The following MAPT variants were observed in gnomAD, a reference collection of about 807,000 sequenced individuals.
The protein encoded by MAPT is microtubule associated protein tau, also known as microtubule-associated protein tau.
Under a neutral mutation model 67.9 loss-of-function variants are expected in MAPT, and 34 were observed. The ratio of observed to expected loss-of-function variants is 0.50; its 90% confidence interval spans 0.38 to 0.67. The LOEUF is 0.67. Ranked by LOEUF, MAPT falls within the 30% of genes least tolerant of loss-of-function variation. The probability of loss-of-function intolerance (pLI) is 0.00; values close to 1 mark genes in which losing one functional copy is unlikely to be tolerated. For synonymous variants in MAPT, 456 were observed against 464.5 expected (o/e 0.98, Z 0.23); for missense variants, 881 against 1,115.2 (o/e 0.79, Z 2.99).
chr17:45,964,641 A>C (rs1237643570), intron 2 of MAPT, among the ~76,000 whole-genome samples: 2 of 151,728 alleles, frequency 1.3e-5, no homozygotes, highest in Non-Finnish European at 2.9e-5. Flanking sequence ...CCAAGATCCC[A>C]CCACTGCACT....
intron 8 of MAPT, among the ~76,000 whole-genome samples, chr17:45,992,167 AGAAAGAAATC>A (rs1457271501): frequency 6.6e-6 from 1 of 152,196 alleles, no homozygotes; most frequent in African/African-American, 2.4e-5. Context: ...AGGAAAAAAA[AGAAAGAAATC>A]GAGCCTCTGA....
intron 10 of MAPT, among the ~76,000 whole-genome samples, chr17:46,011,043 A>C (rs971911532): frequency 6.6e-6 from 1 of 152,232 alleles, no homozygotes; most frequent in African/African-American, 2.4e-5. Flanking sequence ...AAAGTGCGAC[A>C]GGTCCCTCTG....
At chr17:45,970,968 A>C (rs183752281) in intron 2 of MAPT, among the ~76,000 whole-genome samples, 1 of 152,310 alleles carries the variant, frequency 6.6e-6, no homozygotes, top group Admixed American at 6.5e-5. Context: ...CTCTGTATAC[A>C]TTGGGCTCTC....
At chr17:45,978,569 T>C in intron 4 of MAPT, 129 bp downstream of exon 4, 1 of 732,492 alleles carries the variant, frequency 1.4e-6, no homozygotes. Context: ...AGGGAGTTGG[T>C]TCTTATCAAA....
intron 2 of MAPT, among the ~76,000 whole-genome samples, chr17:45,968,820 T>C (rs2071349642): frequency 6.6e-6 from 1 of 152,224 alleles, no homozygotes; most frequent in Non-Finnish European, 1.5e-5. Context: ...AAATAATCAC[T>C]GCCACTTATT....
chr17:45,911,948 G>A (rs1220277525), intron 1 of MAPT, among the ~76,000 whole-genome samples: 1 of 152,178 alleles, frequency 6.6e-6, no homozygotes, highest in African/African-American at 2.4e-5. Context: ...TGTTTGCCAT[G>A]ATCTGTTCAA....
chr17:45,899,589 G>T (rs1474293034), intron 1 of MAPT, among the ~76,000 whole-genome samples: 2 of 152,138 alleles, frequency 1.3e-5, no homozygotes, highest in Non-Finnish European at 2.9e-5. Context: ...GCCACATGTG[G>T]GTTTACTTGG....
At chr17:45,997,705 A>G (rs1257345301) in intron 9 of MAPT, among the ~76,000 whole-genome samples, 1 of 152,206 alleles carries the variant, frequency 6.6e-6, no homozygotes, top group African/African-American at 2.4e-5. Context: ...GGTTGCAGTG[A>G]GCCGAGATAG....
chr17:45,966,633 C>T (rs1333339490), intron 2 of MAPT, among the ~76,000 whole-genome samples: 1 of 152,220 alleles, frequency 6.6e-6, no homozygotes. Flanking sequence ...GTAGGTTTTA[C>T]CACTCTTATT....
At chr17:45,985,535 A>T in intron 5 of MAPT, 1 of 255,650 alleles carries the variant, frequency 3.9e-6, no homozygotes, top group Non-Finnish European at 6.1e-6. Context: ...AAAGTAAGTT[A>T]AACAGGCTTT....
intron 1 of MAPT, among the ~76,000 whole-genome samples, chr17:45,922,486 A>AACACACACACACAC (rs59017604): frequency 0.01 from 1,476 of 146,616 alleles, 16 homozygotes; most frequent in African/African-American, 0.011. Context: ...CTAGCTAGAG[A>AACACACACACACAC]ACACACACAC....
intron 5 of MAPT, among the ~76,000 whole-genome samples, chr17:45,985,323 AAAGTT>A (rs2073430600): frequency 6.6e-6 from 1 of 152,070 alleles, no homozygotes; most frequent in Admixed American, 6.6e-5. Flanking sequence ...AAAATAAAAT[AAAGTT>A]AAGAGAGAAA....
chr17:45,939,694 T>TC (rs1388774770), intron 1 of MAPT, among the ~76,000 whole-genome samples: 1 of 152,144 alleles, frequency 6.6e-6, no homozygotes, highest in Non-Finnish European at 1.5e-5. Flanking sequence ...AGGTGGCAGA[T>TC]CCATAACAGA....
At position 45,987,066 on chromosome 17, in the gene MAPT, G is replaced by T. The variant is rs569445345; in HGVS notation, c.1378G>T (p.Gly460Trp). The T allele has an allele frequency of 3.7e-6, 6 of 1,613,952 alleles. No homozygotes were observed. The highest frequency in any genetic ancestry group is 5.1e-6 in the Non-Finnish European group (6 of 1,179,916). Reference protein sequence around the residue: ...KARMVSKSKDGTGSDDKKAKT... With the variant: ...KARMVSKSKDWTGSDDKKAKT... ...TCGCATGGTCAGTAAAAGCAAAGACGGGACTGGAAGCGATGACAAAAAAGC... is the reference window on the plus strand; with the variant it reads ...TCGCATGGTCAGTAAAAGCAAAGACTGGACTGGAAGCGATGACAAAAAAGC... Residue 460 changes from glycine (G) to tryptophan (W), a missense_variant, in exon 6 of 13, where the codon GGG (glycine) becomes TGG (tryptophan). Physicochemically the swap from Gly to Trp is radical, Grantham distance 184. Coordinates refer to ENST00000262410, the MANE Select transcript of MAPT (RefSeq NM_001377265.1).
chr17:45,950,646 A>G (rs994494081), intron 1 of MAPT, among the ~76,000 whole-genome samples: 4 of 152,052 alleles, frequency 2.6e-5, no homozygotes, highest in African/African-American at 9.7e-5. Context: ...CCATACTTTT[A>G]ATTTTTAAAA....
intron 2 of MAPT, among the ~76,000 whole-genome samples, chr17:45,965,640 T>C (rs1247050461): frequency 6.6e-6 from 1 of 151,816 alleles, no homozygotes; most frequent in Non-Finnish European, 1.5e-5. Flanking sequence ...CGTCTGGGAC[T>C]CCTGACCTCA....
intron 6 of MAPT, among the ~76,000 whole-genome samples, chr17:45,988,769 A>T (rs893859721): frequency 5.9e-5 from 9 of 152,036 alleles, no homozygotes; most frequent in Non-Finnish European, 1.0e-4. Flanking sequence ...CAAAAAAAAA[A>T]TTTAATTGGC....
chr17:45,903,710 T>TG (rs2063776369), intron 1 of MAPT, among the ~76,000 whole-genome samples: 1 of 90,912 alleles, frequency 1.1e-5, no homozygotes, highest in African/African-American at 3.6e-5. Context: ...GCTAGACTTC[T>TG]TCTCAAAAAA....
At chr17:45,902,330 A>C (rs895720194) in intron 1 of MAPT, among the ~76,000 whole-genome samples, 9 of 152,142 alleles carry the variant, frequency 5.9e-5, no homozygotes, top group African/African-American at 2.2e-4. Flanking sequence ...TCGGCCTCCC[A>C]AAGTGCTGGG....
Sources: gnomAD v4.1 joint callset for allele counts (sites outside exome capture counted in the v4.1 genomes callset) on GRCh38, gnomAD v4.1.1 for gene constraint, MANE v1.5 for transcripts, NCBI Gene and HGNC (gene_info 2026-07-23, HGNC 2026-07-21) for gene names.